Variants in SLC44A5 observed in about 807,000 individuals in gnomAD.
The protein encoded by SLC44A5 is solute carrier family 44 member 5.
A neutral mutation model predicts 101.8 loss-of-function variants in SLC44A5; 57 were observed. The observed-to-expected ratio is 0.56, with a 90% CI of 0.45 to 0.70. The LOEUF (loss-of-function observed/expected upper bound fraction) is 0.70. Ranked by LOEUF, SLC44A5 falls within the 30% of genes least tolerant of loss-of-function variation. The probability of loss-of-function intolerance (pLI) is 0.00; values close to 1 mark genes in which losing one functional copy is unlikely to be tolerated. For missense variants in SLC44A5, 737 were observed against 853.1 expected (o/e 0.86, Z 1.70); for synonymous variants, 281 against 290.9 (o/e 0.97, Z 0.35).
chr1:75,515,660 G>A lies in SLC44A5; in HGVS notation c.13+25775C>T, dbSNP rs566421520. Among the ~76,000 whole-genome samples the A allele has an allele frequency of 9.2e-4, 140 of 152,240 alleles. 1 individual carries two copies. The highest frequency in any genetic ancestry group is 3.2e-3 in the African/African-American group (134 of 41,542). On this transcript the variant is annotated intron_variant, in intron 2 of 23. Coordinates refer to ENST00000370859, the MANE Select transcript of SLC44A5 (RefSeq NM_001130058.2). Reference sequence around the variant, plus strand: ...TTTCATTTTTTTAATCCATTCATCTGTTGATGGACATTTAGTCTGATTCCA... The same window carrying A: ...TTTCATTTTTTTAATCCATTCATCTATTGATGGACATTTAGTCTGATTCCA...
the SLC44A5 span, among the ~76,000 whole-genome samples, chr1:75,657,239 TAA>T: frequency 1.1e-4 from 16 of 152,174 alleles, no homozygotes; most frequent in Middle Eastern, 3.4e-3. Context: ...ACTTCACATA[TAA>T]AGACACAGAG....
chr1:75,647,460 C>G, the SLC44A5 span, among the ~76,000 whole-genome samples: 1 of 152,126 alleles, frequency 6.6e-6, no homozygotes, highest in Non-Finnish European at 1.5e-5. Context: ...GCACTGACTA[C>G]TGGAGCTGTG....
chr1:75,413,004 C>T (rs1343497413), intron 2 of SLC44A5, among the ~76,000 whole-genome samples: 2 of 152,090 alleles, frequency 1.3e-5, no homozygotes, highest in African/African-American at 2.4e-5. Flanking sequence ...TTTATGTAAT[C>T]GTATAGCCAT....
intron 8 of SLC44A5, 79 bp downstream of exon 8, chr1:75,242,807 G>C (rs1648753865): frequency 6.8e-7 from 1 of 1,462,480 alleles, no homozygotes; most frequent in Non-Finnish European, 9.1e-7. Flanking sequence ...AGCTTGTTCA[G>C]TAACAAATTC....
At chr1:75,628,545 G>A in the SLC44A5 span, among the ~76,000 whole-genome samples, 1 of 152,028 alleles carries the variant, frequency 6.6e-6, no homozygotes, top group African/African-American at 2.4e-5. Flanking sequence ...AGAGTTTAAG[G>A]TTTCGATATT....
intron 1 of SLC44A5, among the ~76,000 whole-genome samples, chr1:75,595,542 G>T (rs554029774): frequency 6.6e-6 from 1 of 152,172 alleles, no homozygotes; most frequent in East Asian, 1.9e-4. Context: ...TCCAGAAATA[G>T]ATTCATGATA....
At chr1:75,700,041 C>A in the SLC44A5 span, among the ~76,000 whole-genome samples, 1 of 152,018 alleles carries the variant, frequency 6.6e-6, no homozygotes, top group Non-Finnish European at 1.5e-5. Flanking sequence ...ACTTAGACTC[C>A]CACACATTAA....
intron 3 of SLC44A5, among the ~76,000 whole-genome samples, chr1:75,343,128 T>A (rs922930728): frequency 1.3e-5 from 2 of 152,190 alleles, no homozygotes; most frequent in African/African-American, 4.8e-5. Flanking sequence ...GCTCCTTGAA[T>A]GCAATTCATA....
Position 75,291,811 on chromosome 1 carries a change from A to G in SLC44A5, c.175+8801T>C, listed in dbSNP as rs189995266. Among the ~76,000 whole-genome samples the G allele has an allele frequency of 1.4e-3, 218 of 152,126 alleles. 1 individual carries two copies. Among genetic ancestry groups the G allele is most frequent in the African/African-American group, 5.1e-3 (210 of 41,498 alleles). ...TGGATCACGAGTTCAGGAGATCGAG[A>G]CCATCCTGGCTAACATGGTGAAACC... On this transcript the variant is annotated intron_variant, in intron 5 of 23. Coordinates refer to ENST00000370859, the MANE Select transcript of SLC44A5 (RefSeq NM_001130058.2).
chr1:75,326,052 T>C (rs1656566317), intron 4 of SLC44A5, among the ~76,000 whole-genome samples: 2 of 150,462 alleles, frequency 1.3e-5, no homozygotes, highest in South Asian at 4.2e-4. Context: ...TTTTGAAGCA[T>C]TTTTTATTTT....
At chr1:75,319,920 TAA>T (rs1429624426) in intron 4 of SLC44A5, among the ~76,000 whole-genome samples, 1 of 152,210 alleles carries the variant, frequency 6.6e-6, no homozygotes, top group Non-Finnish European at 1.5e-5. Context: ...TTCATTTTCC[TAA>T]GTTTGTTAAA....
intron 18 of SLC44A5, among the ~76,000 whole-genome samples, chr1:75,216,186 T>C (rs1232385240): frequency 6.6e-6 from 1 of 152,008 alleles, no homozygotes; most frequent in Non-Finnish European, 1.5e-5. Flanking sequence ...AATTTGCTTC[T>C]CCTAGGTGCT....
the SLC44A5 span, among the ~76,000 whole-genome samples, chr1:75,623,589 G>A: frequency 6.6e-6 from 1 of 151,902 alleles, no homozygotes; most frequent in Non-Finnish European, 1.5e-5. Flanking sequence ...CAAAGGATAA[G>A]GTTTTTTTTT....
chr1:75,241,158 GC>G (rs1648594184), intron 9 of SLC44A5, among the ~76,000 whole-genome samples: 1 of 151,580 alleles, frequency 6.6e-6, no homozygotes, highest in Non-Finnish European at 1.5e-5. Context: ...TTAATGTAAA[GC>G]TTTTTTTTGT....
chr1:75,514,564 A>G (rs1336766306), intron 2 of SLC44A5, among the ~76,000 whole-genome samples: 1 of 152,204 alleles, frequency 6.6e-6, no homozygotes, highest in Non-Finnish European at 1.5e-5. Flanking sequence ...ACCAAAATAA[A>G]TTTTATTTGG....
At chr1:75,606,474 GA>G (rs1300185028) in intron 1 of SLC44A5, among the ~76,000 whole-genome samples, 1 of 151,782 alleles carries the variant, frequency 6.6e-6, no homozygotes, top group Admixed American at 6.6e-5. Context: ...AAACAACAAG[GA>G]ATAAAACCCA....
the SLC44A5 span, among the ~76,000 whole-genome samples, chr1:75,636,587 C>G: frequency 1.3e-5 from 2 of 152,040 alleles, no homozygotes; most frequent in East Asian, 3.9e-4. Context: ...GCCTGAGGAA[C>G]TGCAATCATT....
At chr1:75,387,993 T>G (rs1217603020) in intron 3 of SLC44A5, among the ~76,000 whole-genome samples, 2 of 146,524 alleles carry the variant, frequency 1.4e-5, no homozygotes, top group African/African-American at 5.1e-5. Flanking sequence ...TTCTCACTCA[T>G]AGGTGGGAAT....
At chr1:75,560,016 T>C (rs1265836264) in intron 1 of SLC44A5, among the ~76,000 whole-genome samples, 1 of 152,072 alleles carries the variant, frequency 6.6e-6, no homozygotes, top group Non-Finnish European at 1.5e-5. Flanking sequence ...ATGGCTATAA[T>C]CAAAAAGATT....
Sources: allele counts gnomAD v4.1 joint callset (sites outside exome capture counted in the v4.1 genomes callset), GRCh38; gene constraint gnomAD v4.1.1; transcripts MANE v1.5; gene names NCBI Gene and HGNC (gene_info 2026-07-23, HGNC 2026-07-21).